Variants in CTNND2 observed in about 807,000 individuals in gnomAD.
CTNND2 encodes catenin delta-2.
CTNND2 carries 22 observed loss-of-function variants against 144.4 expected under a neutral mutation model. The ratio of observed to expected loss-of-function variants is 0.15; its 90% CI spans 0.11 to 0.22. CTNND2 has a LOEUF of 0.22. CTNND2 is among the 10% of genes least tolerant of loss of function. CTNND2 has a pLI of 1.00. For synonymous variants in CTNND2, 751 were observed against 695.6 expected, an observed-to-expected ratio of 1.08 and a Z score of -1.25; for missense variants, 1,353 against 1,618.8, an observed-to-expected ratio of 0.84 and a Z score of 2.82.
At chr5:11,393,888 C>T (rs1052428080) in intron 6 of CTNND2, among the ~76,000 whole-genome samples, 1 of 152,002 alleles carries the variant, frequency 6.6e-6, no homozygotes, top group Non-Finnish European at 1.5e-5. Flanking sequence ...CCTCACTTCA[C>T]TCCCAGTAAA....
intron 3 of CTNND2, among the ~76,000 whole-genome samples, chr5:11,474,830 G>A (rs1225370793): frequency 6.6e-6 from 1 of 152,102 alleles, no homozygotes; most frequent in Non-Finnish European, 1.5e-5. Flanking sequence ...TGCAGCACTT[G>A]TCGTCATTAT....
intron 2 of CTNND2, among the ~76,000 whole-genome samples, chr5:11,713,361 A>G (rs1237372175): frequency 6.6e-6 from 1 of 152,030 alleles, no homozygotes; most frequent in Non-Finnish European, 1.5e-5. Context: ...CAGGAGGATC[A>G]TGAGGTCAGG....
chr5:11,038,254 C>T (rs528212526), intron 16 of CTNND2, among the ~76,000 whole-genome samples: 2 of 152,266 alleles, frequency 1.3e-5, no homozygotes, highest in South Asian at 4.2e-4. Flanking sequence ...GGAACCAGGC[C>T]ACACAGCAGG....
intron 9 of CTNND2, among the ~76,000 whole-genome samples, chr5:11,314,462 C>A (rs948144331): frequency 1.3e-5 from 2 of 152,090 alleles, no homozygotes; most frequent in African/African-American, 4.8e-5. Flanking sequence ...GCAATCCTAT[C>A]CCCCTGCCTC....
chr5:11,495,249 C>T (rs1029876310), intron 3 of CTNND2, among the ~76,000 whole-genome samples: 1 of 152,026 alleles, frequency 6.6e-6, no homozygotes, highest in East Asian at 1.9e-4. Flanking sequence ...TATTAATTAT[C>T]GAAATATGTG....
intron 1 of CTNND2, among the ~76,000 whole-genome samples, chr5:11,820,719 A>G (rs1273599342): frequency 1.3e-5 from 2 of 152,184 alleles, no homozygotes; most frequent in African/African-American, 4.8e-5. Flanking sequence ...TCTCCTGTTA[A>G]TGGGGAACTC....
intron 2 of CTNND2, among the ~76,000 whole-genome samples, chr5:11,577,247 G>A (rs1165037482): frequency 1.1e-4 from 17 of 152,208 alleles, no homozygotes; most frequent in Admixed American, 3.9e-4. Context: ...GGCAACAGAT[G>A]CTTATGTGGA....
rs1235860716 is a variant in CTNND2, at chr5:11,865,140, G to A, written c.37+38677C>T. Among the ~76,000 whole-genome samples, 5 of 151,930 alleles carry A rather than the reference G, an allele frequency of 3.3e-5. No homozygotes were observed. In the South Asian group the frequency reaches 6.2e-4, roughly 19 times the overall value. On this transcript the variant is annotated intron_variant, in intron 1 of 21. Transcript: ENST00000304623. ...AAACTCCCGACCTCAGGTGATCCGC[G>A]TGCCTCGGCCTCCCAAAGTGTTGGG...
At chr5:11,419,136 T>C (rs1762160913) in intron 3 of CTNND2, among the ~76,000 whole-genome samples, 1 of 151,798 alleles carries the variant, frequency 6.6e-6, no homozygotes. Context: ...GTGGTGGCTC[T>C]ACAGGGGGTC....
chr5:11,671,529 T>C (rs967446283), intron 2 of CTNND2, among the ~76,000 whole-genome samples: 1 of 151,864 alleles, frequency 6.6e-6, no homozygotes, highest in Non-Finnish European at 1.5e-5. Context: ...ATTGAAATGA[T>C]CTTCAATCTC....
intron 18 of CTNND2, among the ~76,000 whole-genome samples, chr5:11,001,305 C>T (rs1739937657): frequency 6.6e-6 from 1 of 152,176 alleles, no homozygotes; most frequent in South Asian, 2.1e-4. Flanking sequence ...AATTATGCCA[C>T]CCTGGTTTGG....
chr5:11,821,576 T>C (rs964736799), intron 1 of CTNND2, among the ~76,000 whole-genome samples: 2 of 152,194 alleles, frequency 1.3e-5, no homozygotes, highest in Admixed American at 1.3e-4. Context: ...TATAATCTCT[T>C]CAAATGACCT....
At chr5:11,717,552 G>A (rs1786422389) in intron 2 of CTNND2, among the ~76,000 whole-genome samples, 2 of 151,018 alleles carry the variant, frequency 1.3e-5, no homozygotes, top group African/African-American at 4.9e-5. Flanking sequence ...ACTCCAGCCT[G>A]GGAGACAGAG....
At chr5:11,281,133 T>C (rs1388760769) in intron 9 of CTNND2, among the ~76,000 whole-genome samples, 1 of 152,248 alleles carries the variant, frequency 6.6e-6, no homozygotes, top group East Asian at 1.9e-4. Flanking sequence ...ATTTTATGTT[T>C]TCGGCCTTTT....
chr5:11,201,320 T>C (rs1218901969), intron 10 of CTNND2, among the ~76,000 whole-genome samples: 2 of 152,220 alleles, frequency 1.3e-5, no homozygotes, highest in African/African-American at 2.4e-5. Context: ...CTTGCTACGT[T>C]GGTGTTGCTC....
At chr5:11,307,802 G>T (rs768244752) in intron 9 of CTNND2, among the ~76,000 whole-genome samples, 3 of 152,192 alleles carry the variant, frequency 2.0e-5, no homozygotes, top group Non-Finnish European at 4.4e-5. Context: ...CATAATTATT[G>T]ATTGTTATGG....
chr5:11,740,185 A>G (rs1410120150), intron 1 of CTNND2, among the ~76,000 whole-genome samples: 2 of 152,212 alleles, frequency 1.3e-5, no homozygotes, highest in Non-Finnish European at 2.9e-5. Flanking sequence ...ATTGGAAAAA[A>G]CTACTTTAAA....
chr5:11,398,417 C>T (rs367543825), intron 5 of CTNND2, among the ~76,000 whole-genome samples: 5 of 152,168 alleles, frequency 3.3e-5, no homozygotes, highest in African/African-American at 9.7e-5. Flanking sequence ...TTCTTTGGCA[C>T]TTAAAGCCTT....
intron 8 of CTNND2, among the ~76,000 whole-genome samples, chr5:11,362,741 GT>G (rs11367210): frequency 0.55 from 84,188 of 152,006 alleles, 23,753 homozygotes; most frequent in Admixed American, 0.63. Flanking sequence ...CAGTTAGAAG[GT>G]TACTATTGCC....
Sources: gnomAD v4.1 joint callset for allele counts (sites outside exome capture counted in the v4.1 genomes callset) on GRCh38, gnomAD v4.1.1 for gene constraint, MANE v1.5 for transcripts, NCBI Gene and HGNC (gene_info 2026-07-23, HGNC 2026-07-21) for gene names.